The following FSTL5 variants were observed in gnomAD, a reference collection of about 807,000 sequenced individuals.
The protein encoded by FSTL5 is follistatin-related protein 5.
Under a neutral mutation model 89.1 loss-of-function variants are expected in FSTL5, and 62 were observed. The observed-to-expected ratio is 0.70, with a 90% CI of 0.57 to 0.86. The LOEUF (loss-of-function observed/expected upper bound fraction) is 0.86, where lower values mean the gene tolerates loss of function less well. FSTL5 is among the 40% of genes least tolerant of loss of function. The probability of loss-of-function intolerance (pLI) is 0.00; values close to 1 mark genes in which losing one functional copy is unlikely to be tolerated. For missense variants in FSTL5, 1,057 were observed against 1,001.6 expected, an observed-to-expected ratio of 1.06 and a Z score of -0.75; for synonymous variants, 383 against 346.2, an observed-to-expected ratio of 1.11 and a Z score of -1.18.
chr4:161,524,241 T>C (rs550365525), intron 10 of FSTL5, among the ~76,000 whole-genome samples: 1 of 152,288 alleles, frequency 6.6e-6, no homozygotes, highest in African/African-American at 2.4e-5. Context: ...TTTACCTATA[T>C]AGCCTGGAAG....
chr4:161,976,530 G>A (rs1193519395), intron 3 of FSTL5, among the ~76,000 whole-genome samples: 5 of 152,126 alleles, frequency 3.3e-5, no homozygotes, highest in African/African-American at 4.8e-5. Flanking sequence ...CGCCCAGGCT[G>A]GAGTGCAGTG....
rs144578650 is a variant in FSTL5, at chr4:162,130,229, G to A, written c.-16-18817C>T. ...TGTCTATGTGGGTTCATTCTTAGGA[G>A]GAAGGAATATTCCTAAACCCGTAGG... On this transcript the variant is annotated intron_variant, in intron 1 of 15. Coordinates refer to ENST00000306100, the MANE Select transcript of FSTL5 (RefSeq NM_020116.5). Among the ~76,000 whole-genome samples, 818 of 152,210 alleles carry A rather than the reference G, an allele frequency of 5.4e-3. 3 individuals are homozygous for A. The highest frequency in any genetic ancestry group is 0.01 in the Middle Eastern group (3 of 294).
At chr4:161,892,619 C>A (rs1469244030) in intron 4 of FSTL5, among the ~76,000 whole-genome samples, 4 of 152,108 alleles carry the variant, frequency 2.6e-5, no homozygotes, top group South Asian at 2.1e-4. Flanking sequence ...AATCAACTCC[C>A]AAACTAACTC....
At chr4:162,044,647 T>C (rs1738103153) in intron 2 of FSTL5, among the ~76,000 whole-genome samples, 1 of 152,192 alleles carries the variant, frequency 6.6e-6, no homozygotes, top group Non-Finnish European at 1.5e-5. Context: ...CATATTTGTT[T>C]TCATAGGAGG....
chr4:162,017,472 C>T (rs1281620522), intron 3 of FSTL5, among the ~76,000 whole-genome samples: 1 of 152,068 alleles, frequency 6.6e-6, no homozygotes, highest in Admixed American at 6.5e-5. Flanking sequence ...TATAAGGTGG[C>T]AGATGTGTTA....
chr4:161,961,857 A>G (rs1392028540), intron 3 of FSTL5, among the ~76,000 whole-genome samples: 1 of 151,714 alleles, frequency 6.6e-6, no homozygotes, highest in Non-Finnish European at 1.5e-5. Context: ...TATGTATTAC[A>G]TGACCAAAAG....
At chr4:162,066,901 A>C (rs978492950) in intron 2 of FSTL5, among the ~76,000 whole-genome samples, 2 of 152,208 alleles carry the variant, frequency 1.3e-5, no homozygotes, top group African/African-American at 4.8e-5. Context: ...ATACATGTGC[A>C]TGTGTCTTTA....
chr4:162,114,529 GACAC>G (rs9308041), intron 1 of FSTL5, among the ~76,000 whole-genome samples: 3,958 of 149,098 alleles, frequency 0.027, 89 homozygotes, highest in African/African-American at 0.057. Context: ...TTTGTGTGTG[GACAC>G]ACACACACAC....
intron 2 of FSTL5, among the ~76,000 whole-genome samples, chr4:162,041,250 T>C (rs1737943414): frequency 7.1e-6 from 1 of 141,492 alleles, no homozygotes; most frequent in Non-Finnish European, 1.5e-5. Flanking sequence ...TAGCAAAGTG[T>C]AAAAGCACAT....
At chr4:161,737,654 A>G (rs1739864948) in intron 6 of FSTL5, among the ~76,000 whole-genome samples, 1 of 152,066 alleles carries the variant, frequency 6.6e-6, no homozygotes, top group African/African-American at 2.4e-5. Flanking sequence ...AGGAAAATCA[A>G]CAAATACAGT....
intron 15 of FSTL5, among the ~76,000 whole-genome samples, chr4:161,411,542 T>C (rs1249152704): frequency 6.6e-6 from 1 of 152,094 alleles, no homozygotes; most frequent in Non-Finnish European, 1.5e-5. Context: ...CATATGCAGA[T>C]AAGTAAGTGA....
intron 15 of FSTL5, among the ~76,000 whole-genome samples, chr4:161,439,134 G>T (rs765873340): frequency 1.8e-4 from 27 of 152,052 alleles, no homozygotes; most frequent in Non-Finnish European, 3.7e-4. Context: ...TATTCAGTCG[G>T]TGTCTTGTAA....
At chr4:161,794,812 G>C (rs4691796) in intron 4 of FSTL5, among the ~76,000 whole-genome samples, 111,729 of 152,092 alleles carry the variant, frequency 0.73, 41,124 homozygotes, top group Admixed American at 0.76. Context: ...TAAGTTTTAA[G>C]ACATAGTCAC....
At chr4:161,423,707 G>A (rs1732069346) in intron 15 of FSTL5, among the ~76,000 whole-genome samples, 1 of 151,992 alleles carries the variant, frequency 6.6e-6, no homozygotes, top group Non-Finnish European at 1.5e-5. Context: ...GACAGATACA[G>A]GCCATAATGA....
At chr4:161,835,073 C>A (rs1730990703) in intron 4 of FSTL5, among the ~76,000 whole-genome samples, 1 of 146,582 alleles carries the variant, frequency 6.8e-6, no homozygotes, top group African/African-American at 2.6e-5. Context: ...CTACAGTAAC[C>A]AAAACAGCAT....
chr4:162,063,285 T>C (rs2111287680), intron 2 of FSTL5, among the ~76,000 whole-genome samples: 1 of 151,974 alleles, frequency 6.6e-6, no homozygotes, highest in African/African-American at 2.4e-5. Flanking sequence ...AAAATATACA[T>C]AGTTTTAAAT....
chr4:161,556,437 T>C (rs1732396151), intron 8 of FSTL5, among the ~76,000 whole-genome samples: 1 of 151,592 alleles, frequency 6.6e-6, no homozygotes, highest in Admixed American at 6.6e-5. Flanking sequence ...CTATAAAATA[T>C]AACATGTCTT....
intron 7 of FSTL5, among the ~76,000 whole-genome samples, chr4:161,645,930 G>T (rs1174110987): frequency 6.6e-6 from 1 of 151,718 alleles, no homozygotes; most frequent in African/African-American, 2.4e-5. Flanking sequence ...AGTGGAATAA[G>T]AAGTGCATTA....
At chr4:162,056,183 C>A (rs1413606988) in intron 2 of FSTL5, among the ~76,000 whole-genome samples, 1 of 151,820 alleles carries the variant, frequency 6.6e-6, no homozygotes, top group Non-Finnish European at 1.5e-5. Flanking sequence ...AGCTTTAGTT[C>A]TCAGAATATA....
Sources: allele counts gnomAD v4.1 joint callset (sites outside exome capture counted in the v4.1 genomes callset), GRCh38; gene constraint gnomAD v4.1.1; transcripts MANE v1.5; gene names NCBI Gene and HGNC (gene_info 2026-07-23, HGNC 2026-07-21).